NIBAN1: variants seen among roughly 807,000 people sequenced by gnomAD.
The protein encoded by NIBAN1 is protein Niban 1.
A neutral mutation model predicts 75.1 loss-of-function variants in NIBAN1; 81 were observed. The ratio of observed to expected loss-of-function variants is 1.08; its 90% CI spans 0.90 to 1.30. The LOEUF (loss-of-function observed/expected upper bound fraction) is 1.30, where lower values mean the gene tolerates loss of function less well. NIBAN1 is among the 50% of genes most tolerant of loss of function. The probability of loss-of-function intolerance (pLI) is 0.00; values close to 1 mark genes in which losing one functional copy is unlikely to be tolerated. For missense variants in NIBAN1, 1,133 were observed against 1,128.1 expected, an observed-to-expected ratio of 1.00 and a Z score of -0.06; for synonymous variants, 436 against 424.8, an observed-to-expected ratio of 1.03 and a Z score of -0.32.
chr1:184,905,170 G>A (rs1245531024), intron 1 of NIBAN1, among the ~76,000 whole-genome samples: 1 of 152,100 alleles, frequency 6.6e-6, no homozygotes, highest in Non-Finnish European at 1.5e-5. Context: ...CAGGGCTGAT[G>A]GGGCAGAACA....
intron 1 of NIBAN1, among the ~76,000 whole-genome samples, chr1:184,908,605 G>GA (rs2102001538): frequency 6.6e-6 from 1 of 152,188 alleles, no homozygotes; most frequent in South Asian, 2.1e-4. Flanking sequence ...AGTATTGTTA[G>GA]AAAAAATATA....
At chr1:184,951,749 G>A (rs1347902639) in intron 1 of NIBAN1, among the ~76,000 whole-genome samples, 8 of 151,994 alleles carry the variant, frequency 5.3e-5, no homozygotes, top group East Asian at 1.9e-4. Context: ...AGACTATGGC[G>A]TTCCTCTCCT....
intron 1 of NIBAN1, among the ~76,000 whole-genome samples, chr1:184,915,451 A>G (rs1657360105): frequency 6.6e-6 from 1 of 152,232 alleles, no homozygotes; most frequent in African/African-American, 2.4e-5. Context: ...CTGGTATCAA[A>G]GTACCAACTT....
chr1:184,818,806 C>T lies in NIBAN1; in HGVS notation c.1005G>A (p.Ala335=), dbSNP rs777558520. ...GKIKAMVAQP[A]EKSCLESVQP... ...GCACACTCTCCAAGCAGCTTTTCTCCGCCGGCTGGGCCACCATCGCTGAGG... is the reference window on the plus strand; with the variant it reads ...GCACACTCTCCAAGCAGCTTTTCTCTGCCGGCTGGGCCACCATCGCTGAGG... Residue 335 remains alanine (A), a synonymous_variant, in exon 9 of 14, where the codon GCG becomes GCA. Coordinates refer to ENST00000367511, the MANE Select transcript of NIBAN1 (RefSeq NM_052966.4). 67 of 1,594,058 alleles carry T rather than the reference C, an allele frequency of 4.2e-5. No homozygotes were observed. Among genetic ancestry groups the T allele is most frequent in the Admixed American group, 1.0e-4 (6 of 57,998 alleles).
chr1:184,889,067 C>G (rs1179310088), intron 4 of NIBAN1, among the ~76,000 whole-genome samples: 1 of 152,190 alleles, frequency 6.6e-6, no homozygotes, highest in Non-Finnish European at 1.5e-5. Flanking sequence ...AGAACCAGGG[C>G]TCTCTTCAAG....
At chr1:184,881,095 G>A (rs557032923) in intron 5 of NIBAN1, among the ~76,000 whole-genome samples, 4 of 147,658 alleles carry the variant, frequency 2.7e-5, no homozygotes, top group African/African-American at 1.1e-4. Context: ...GTGCACATGT[G>A]AGCATGCACA....
chr1:184,823,598 A>G, intron 7 of NIBAN1, 40 bp downstream of exon 7: 1 of 1,597,222 alleles, frequency 6.3e-7, no homozygotes, highest in Non-Finnish European at 8.6e-7. Context: ...GAATGTTCCC[A>G]TTTTGAGTAG....
At chr1:184,960,698 G>A (rs957720724) in intron 1 of NIBAN1, among the ~76,000 whole-genome samples, 30 of 152,004 alleles carry the variant, frequency 2.0e-4, no homozygotes, top group African/African-American at 9.7e-5. Context: ...GCACAGTCTC[G>A]GCTCACTGCA....
intron 1 of NIBAN1, among the ~76,000 whole-genome samples, chr1:184,924,714 T>C (rs559858343): frequency 7.2e-5 from 11 of 152,306 alleles, no homozygotes; most frequent in African/African-American, 2.4e-4. Flanking sequence ...TCATTACTTG[T>C]TATTGGTCTG....
At chr1:184,869,138 T>C (rs1656032782) in intron 5 of NIBAN1, among the ~76,000 whole-genome samples, 1 of 152,186 alleles carries the variant, frequency 6.6e-6, no homozygotes, top group Non-Finnish European at 1.5e-5. Flanking sequence ...ATTTTAGGCA[T>C]ATTGCTTTCC....
chr1:184,858,189 G>C (rs1186086570), intron 5 of NIBAN1, among the ~76,000 whole-genome samples: 1 of 151,898 alleles, frequency 6.6e-6, no homozygotes. Context: ...ATATAAAAAA[G>C]AGTTAATATC....
intron 1 of NIBAN1, among the ~76,000 whole-genome samples, chr1:184,953,409 C>G (rs1466573499): frequency 6.6e-6 from 1 of 152,212 alleles, no homozygotes; most frequent in Non-Finnish European, 1.5e-5. Flanking sequence ...ATTTTGTCCA[C>G]TCTTCTAAAA....
intron 5 of NIBAN1, among the ~76,000 whole-genome samples, chr1:184,882,634 T>C (rs1018726860): frequency 3.3e-5 from 5 of 152,142 alleles, no homozygotes; most frequent in Non-Finnish European, 7.4e-5. Flanking sequence ...AAATCTTCCA[T>C]AAATGGAGTC....
chr1:184,882,324 C>A lies in NIBAN1; in HGVS notation c.601+2309G>T, dbSNP rs80110672. 3.4e-3 allele frequency among the ~76,000 whole-genome samples: 516 copies of A among 152,172 alleles called. 8 individuals carry two copies. The East Asian group carries it at 0.039, about 11-fold the overall frequency. On this transcript the variant is annotated intron_variant, in intron 5 of 13. Coordinates refer to ENST00000367511, the MANE Select transcript of NIBAN1 (RefSeq NM_052966.4). ...GCAGAGACTAGAACAGAAAATGTGA[C>A]ACAATAAAGATGAGTGGTACATCAT...
At chr1:184,918,580 C>A (rs1298433002) in intron 1 of NIBAN1, among the ~76,000 whole-genome samples, 1 of 152,186 alleles carries the variant, frequency 6.6e-6, no homozygotes, top group South Asian at 2.1e-4. Flanking sequence ...TTCCTAGAAC[C>A]TATAGACCCA....
intron 13 of NIBAN1, among the ~76,000 whole-genome samples, chr1:184,797,841 T>C (rs1193196806): frequency 1.3e-5 from 2 of 152,216 alleles, no homozygotes; most frequent in African/African-American, 4.8e-5. Flanking sequence ...CATTCATATT[T>C]GTGTATTAAA....
At chr1:184,964,725 G>A (rs923747526) in intron 1 of NIBAN1, among the ~76,000 whole-genome samples, 1 of 152,202 alleles carries the variant, frequency 6.6e-6, no homozygotes, top group African/African-American at 2.4e-5. Context: ...GGAAAGAGAG[G>A]TCTGTCCTGG....
intron 5 of NIBAN1, among the ~76,000 whole-genome samples, chr1:184,844,519 T>C (rs1001263901): frequency 6.6e-6 from 1 of 152,218 alleles, no homozygotes; most frequent in Non-Finnish European, 1.5e-5. Flanking sequence ...ATGTAATCAT[T>C]TCTGGTAGAA....
chr1:184,862,679 C>T (rs1273869298), intron 5 of NIBAN1, among the ~76,000 whole-genome samples: 1 of 152,090 alleles, frequency 6.6e-6, no homozygotes, highest in Non-Finnish European at 1.5e-5. Context: ...CTTGGTATTT[C>T]CCCTTTTTGT....
Sources: allele counts gnomAD v4.1 joint callset (sites outside exome capture counted in the v4.1 genomes callset), GRCh38; gene constraint gnomAD v4.1.1; transcripts MANE v1.5; gene names NCBI Gene and HGNC (gene_info 2026-07-23, HGNC 2026-07-21).